The following GABRA3 variants were observed in gnomAD, a reference collection of about 807,000 sequenced individuals.
GABRA3 encodes the protein gamma-aminobutyric acid type A receptor subunit alpha3.
A neutral mutation model predicts 30.1 loss-of-function variants in GABRA3; 10 were observed. The observed-to-expected ratio is 0.33, with a 90% CI of 0.20 to 0.56. The LOEUF (loss-of-function observed/expected upper bound fraction) is 0.56, where lower values mean the gene tolerates loss of function less well. Ranked by LOEUF, GABRA3 falls within the 20% of genes least tolerant of loss-of-function variation. GABRA3 has a pLI of 0.89. For missense variants in GABRA3, 233 were observed against 392.0 expected (o/e 0.59, Z 3.42); for synonymous variants, 151 against 146.8 (o/e 1.03, Z -0.21).
At chrX:152,220,102 T>A (rs929931266) in intron 6 of GABRA3, among the ~76,000 whole-genome samples, 2 of 111,698 alleles carry the variant, frequency 1.8e-5, no homozygotes, top group Non-Finnish European at 3.8e-5. Context: ...ATATCCATGA[T>A]TATGGATAAA....
At chrX:152,254,408 CTCATACTCTCTTT>C (rs1938604842) in intron 5 of GABRA3, among the ~76,000 whole-genome samples, 1 of 108,476 alleles carries the variant, frequency 9.2e-6, no homozygotes, top group African/African-American at 3.3e-5. Context: ...GTCCTCTCTT[CTCATACTCTCTTT>C]CTTTTCACCA....
chrX:152,348,715 TA>T (rs1940429214), intron 2 of GABRA3, among the ~76,000 whole-genome samples: 1 of 112,374 alleles, frequency 8.9e-6, no homozygotes, highest in Non-Finnish European at 1.9e-5. Flanking sequence ...CCCGTGCATG[TA>T]AAAGTTATGT....
intron 2 of GABRA3, among the ~76,000 whole-genome samples, chrX:152,355,329 G>A (rs1237760143): frequency 9.0e-6 from 1 of 111,425 alleles, no homozygotes; most frequent in Admixed American, 9.6e-5. Flanking sequence ...CTTTCTAGAA[G>A]GCTAATTTTT....
chrX:152,330,135 A>C, intron 3 of GABRA3, among the ~76,000 whole-genome samples: 1 of 112,285 alleles, frequency 8.9e-6, no homozygotes, highest in Non-Finnish European at 1.9e-5. Flanking sequence ...AATGCAAATC[A>C]AAACCACAAT....
chrX:152,296,948 C>T (rs939749500), intron 3 of GABRA3, among the ~76,000 whole-genome samples: 3 of 111,340 alleles, frequency 2.7e-5, no homozygotes, highest in African/African-American at 6.5e-5. Flanking sequence ...ATCCACCCGC[C>T]TTGGCCTCCC....
chrX:152,322,136 T>C (rs773358803), intron 3 of GABRA3, among the ~76,000 whole-genome samples: 16 of 112,254 alleles, frequency 1.4e-4, no homozygotes, highest in African/African-American at 1.9e-4. Flanking sequence ...ATCCATACAA[T>C]AGAATATTAT....
chrX:152,389,906 G>A (rs750327981), intron 1 of GABRA3, among the ~76,000 whole-genome samples: 16 of 109,659 alleles, frequency 1.5e-4, no homozygotes, highest in African/African-American at 4.6e-4. Flanking sequence ...TACATGGAAG[G>A]GAAGCATGGT....
chrX:152,378,913 G>A (rs1466793209), intron 1 of GABRA3, among the ~76,000 whole-genome samples: 2 of 111,389 alleles, frequency 1.8e-5, no homozygotes, highest in Non-Finnish European at 3.8e-5. Context: ...GAGAAAAAAG[G>A]TTCAACTTAC....
chrX:152,291,123 A>G (rs941582145), intron 3 of GABRA3, among the ~76,000 whole-genome samples: 17 of 111,502 alleles, frequency 1.5e-4, no homozygotes, highest in African/African-American at 5.5e-4. Context: ...CCATTTTCAC[A>G]ATATTGATTC....
At chrX:152,310,704 C>A (rs1188795067) in intron 3 of GABRA3, among the ~76,000 whole-genome samples, 2 of 109,909 alleles carry the variant, frequency 1.8e-5, no homozygotes, top group Non-Finnish European at 3.8e-5. Context: ...AAAACAATAA[C>A]CAAAATCAGA....
chrX:152,427,006 T>G, intron 1 of GABRA3, among the ~76,000 whole-genome samples: 1 of 111,900 alleles, frequency 8.9e-6, no homozygotes, highest in Admixed American at 9.5e-5. Context: ...AAGCACTTTA[T>G]ATTTATTAAG....
chrX:152,168,624 A>T (rs1204802857), intron 9 of GABRA3, 61 bp from the exon 10 acceptor site: 5 of 907,939 alleles, frequency 5.5e-6, no homozygotes, highest in Non-Finnish European at 7.9e-6. Context: ...TTAATTCATT[A>T]CACAGAGAAC....
At chrX:152,206,024 C>T (rs946325423) in intron 7 of GABRA3, among the ~76,000 whole-genome samples, 1 of 112,784 alleles carries the variant, frequency 8.9e-6, no homozygotes, top group African/African-American at 3.2e-5. Context: ...TGACACCAAC[C>T]GCGGTTTACC....
intron 2 of GABRA3, among the ~76,000 whole-genome samples, chrX:152,346,792 A>G (rs1405546836): frequency 8.9e-6 from 1 of 112,101 alleles, no homozygotes; most frequent in Non-Finnish European, 1.9e-5. Flanking sequence ...ACAATAACAT[A>G]TCATCTCACC....
rs141388390 is a variant in GABRA3 at position 152,293,445 on chromosome X, G to A, written c.263-8710C>T. ...CTCCATCCCTTTATTTTGAGCCTAT[G>A]TGTGTCTCTGCACGTGAGATGGGTC... is the stretch of plus-strand genomic sequence containing the variant. On this transcript the variant is annotated intron_variant, in intron 3 of 9. Transcript: ENST00000370314. 3.7e-3 allele frequency among the ~76,000 whole-genome samples: 413 copies of A among 110,844 alleles called. 2 individuals are homozygous for A. The highest frequency in any genetic ancestry group is 0.032 in the Middle Eastern group (7 of 218).
intron 5 of GABRA3, among the ~76,000 whole-genome samples, chrX:152,236,255 TG>T (rs1481174526): frequency 7.0e-4 from 73 of 104,860 alleles, no homozygotes; most frequent in African/African-American, 2.4e-3. Flanking sequence ...TTTGGTTTTT[TG>T]TTCTTGCGAT....
intron 2 of GABRA3, among the ~76,000 whole-genome samples, chrX:152,348,261 G>C (rs1365546532): frequency 1.8e-5 from 2 of 110,836 alleles, no homozygotes; most frequent in Non-Finnish European, 3.8e-5. Context: ...TTATGGAGAA[G>C]CTTAGATATT....
At chrX:152,415,772 G>C (rs889967797) in intron 1 of GABRA3, among the ~76,000 whole-genome samples, 2 of 110,933 alleles carry the variant, frequency 1.8e-5, no homozygotes, top group Non-Finnish European at 3.8e-5. Flanking sequence ...TATTATTTGC[G>C]ACTTCCCATG....
rs1461718517 is a variant in GABRA3, at chrX:152,268,629, A to T, written c.331-12631T>A. Among the ~76,000 whole-genome samples, 6 of 112,280 alleles carry T rather than the reference A, an allele frequency of 5.3e-5. No homozygotes were observed. In the East Asian group the frequency reaches 1.7e-3, roughly 32 times the overall value. The stretch of plus-strand genomic sequence containing the variant: ...GTCACCCAGGCTGGAATGCAGTGGC[A>T]TGAACATGGCTCACTGCAGCCTCAA... On this transcript the variant is annotated intron_variant, in intron 4 of 9. Transcript: ENST00000370314.
Sources: gnomAD v4.1 joint callset for allele counts (sites outside exome capture counted in the v4.1 genomes callset) on GRCh38, gnomAD v4.1.1 for gene constraint, MANE v1.5 for transcripts, NCBI Gene and HGNC (gene_info 2026-07-23, HGNC 2026-07-21) for gene names.